The following PIH1D1 variants were observed in gnomAD, a reference collection of about 807,000 sequenced individuals.
PIH1D1 encodes PIH1 domain containing 1, also known as PIH1 domain-containing protein 1.
Under a neutral mutation model 38.5 loss-of-function variants are expected in PIH1D1, and 28 were observed. That is an observed-to-expected ratio of 0.73 (90% CI 0.54 to 1.00). The LOEUF is 1.00. Among genes scored for constraint, PIH1D1 ranks in the 50% least tolerant of loss-of-function variants. The probability of loss-of-function intolerance (pLI) is 0.00; values close to 1 mark genes in which losing one functional copy is unlikely to be tolerated. For missense variants in PIH1D1, 343 were observed against 369.9 expected (o/e 0.93, Z 0.60); for synonymous variants, 155 against 153.5 (o/e 1.01, Z -0.07).
Position 49,451,808 on chromosome 19 carries a change from T to C in PIH1D1, c.-234A>G. 7.0e-6 allele frequency: 9 copies of C among 1,277,798 alleles called. No individual in the cohort carries two copies. Among genetic ancestry groups the C allele is most frequent in the Non-Finnish European group, 9.2e-6 (9 of 979,272 alleles). The allele number at this position is 1,277,798 out of a possible 1,614,324, so 79.2% of individuals were successfully genotyped here. ...CTACCCTCCGTCCTACGTGCCGAAC[T>C]GTAAACGAAGCCACACTTCCGGTCT... On this transcript the variant is annotated 5_prime_UTR_variant, in exon 1 of 9. Transcript: ENST00000262265.
At chr19:49,447,177 C>A in intron 6 of PIH1D1, 78 bp from the exon 7 acceptor site, 1 of 1,484,052 alleles carries the variant, frequency 6.7e-7, no homozygotes, top group Admixed American at 1.9e-5. Context: ...CTCCCTCCAA[C>A]CAGCCCTATT....
intron 3 of PIH1D1, 30 bp downstream of exon 3, chr19:49,449,445 C>A (rs1253593218): frequency 6.2e-7 from 1 of 1,610,568 alleles, no homozygotes; most frequent in Non-Finnish European, 8.5e-7. Context: ...CCTAGCGGGC[C>A]AGACTCCTGG....
intron 2 of PIH1D1, 116 bp from the exon 3 acceptor site, chr19:49,449,770 C>A: frequency 2.6e-6 from 2 of 774,716 alleles, no homozygotes; most frequent in Non-Finnish European, 4.1e-6. Context: ...TTGTTCCACT[C>A]CCCACCCGAG....
intron 2 of PIH1D1, among the ~76,000 whole-genome samples, chr19:49,449,889 G>A (rs2079048062): frequency 6.6e-6 from 1 of 150,946 alleles, no homozygotes; most frequent in East Asian, 2.0e-4. Context: ...CCACCTCCCA[G>A]GTTCAAGCAA....
At position 49,446,604 on chromosome 19, in the gene PIH1D1, G is replaced by A; in HGVS notation, c.778C>T (p.Pro260Ser). Residue 260 changes from proline to serine, a missense_variant, in exon 8 of 9, where the codon CCG (proline) becomes TCG (serine). Pro to Ser is a moderately conservative substitution (Grantham distance 74). Transcript: ENST00000262265. The stretch of plus-strand genomic sequence containing the variant: ...CTCTCATGAGAGTTGATCTGCAGCG[G>A]GATATAAGCGTCTAGATGATACAGC... ...QQLYHLDAYI[P>S]LQINSHESKA... 4 of 1,613,976 alleles carry A rather than the reference G, an allele frequency of 2.5e-6. No homozygotes were observed. In the African/African-American group the frequency reaches 5.3e-5, roughly 22 times the overall value.
intron 3 of PIH1D1, chr19:49,449,001 G>A: frequency 6.2e-6 from 2 of 320,250 alleles, no homozygotes; most frequent in Non-Finnish European, 1.2e-5. Context: ...AGACCAGCCA[G>A]GCCAACGTGG....
In PIH1D1 at chr19:49,447,442, T is replaced by G. The variant is rs143584904; in HGVS notation, c.507A>C (p.Pro169=). The change falls in exon 6 of 9, where the codon CCA becomes CCC. Residue 169 remains proline (P), a synonymous_variant. Coordinates refer to ENST00000262265, the MANE Select transcript of PIH1D1 (RefSeq NM_017916.3). ...TCTGCTGCGAGATGGAGCCCATGAA[T>G]GGCCGGTTCTTCATCATGCGCCATT... is the stretch of plus-strand genomic sequence containing the variant. ...NPEWRMMKNR[P]FMGSISQQNI... The G allele has an allele frequency of 6.2e-7, 1 of 1,611,082 alleles. No homozygotes were observed. Among genetic ancestry groups the G allele is most frequent in the Non-Finnish European group, 8.5e-7 (1 of 1,179,970 alleles).
intron 3 of PIH1D1, chr19:49,449,073 T>C (rs1024050635): frequency 2.8e-5 from 10 of 351,136 alleles, no homozygotes; most frequent in African/African-American, 1.9e-4. Context: ...ACACCTGTAA[T>C]CCCAGCTGCT....
chr19:49,451,367 C>T, intron 1 of PIH1D1, 118 bp downstream of exon 1: 1 of 1,443,672 alleles, frequency 6.9e-7, no homozygotes, highest in Non-Finnish European at 9.5e-7. Context: ...AGCCCATTAA[C>T]CTCAATTCCC....
At position 49,451,609 on chromosome 19, in the gene PIH1D1, C is replaced by A; in HGVS notation, c.-35G>T. ...AAAGAGATCTAGGCGTCCTCGAGACCCTCAACGTGGGAAACTTTGCCCAGG... is the reference window on the plus strand; with the variant it reads ...AAAGAGATCTAGGCGTCCTCGAGACACTCAACGTGGGAAACTTTGCCCAGG... On this transcript the variant is annotated 5_prime_UTR_variant, in exon 1 of 9. Transcript: ENST00000262265. 1 of 1,608,492 alleles carries A rather than the reference C, an allele frequency of 6.2e-7. No homozygotes were observed. Among genetic ancestry groups the A allele is most frequent in the Non-Finnish European group, 8.5e-7 (1 of 1,179,054 alleles).
In PIH1D1 at chr19:49,447,502, G is replaced by A. The variant is rs921566057; in HGVS notation, c.482-35C>T. The A allele has an allele frequency of 3.7e-6, 6 of 1,601,308 alleles. No homozygotes were observed. The African/African-American group carries it at 6.7e-5, about 18-fold the overall frequency. On this transcript the variant is annotated intron_variant, in intron 5 of 8. Coordinates refer to ENST00000262265, the MANE Select transcript of PIH1D1 (RefSeq NM_017916.3). ...AGGAGCGCCGTCAAACATCGTACAGGTCAGGGTTCCCTTTGTGGGGGCCAA... is the reference window on the plus strand; with the variant it reads ...AGGAGCGCCGTCAAACATCGTACAGATCAGGGTTCCCTTTGTGGGGGCCAA...
intron 3 of PIH1D1, 129 bp downstream of exon 3, chr19:49,449,346 G>A: frequency 1.1e-6 from 1 of 874,568 alleles, no homozygotes; most frequent in Non-Finnish European, 1.9e-6. Flanking sequence ...CTACCATAGG[G>A]AAAAGAATCA....
At chr19:49,449,390 G>T in intron 3 of PIH1D1, 85 bp downstream of exon 3, 1 of 1,242,260 alleles carries the variant, frequency 8.0e-7, no homozygotes, top group Non-Finnish European at 1.2e-6. Context: ...AGCTGAGGGA[G>T]GAGGGTCCTG....
intron 7 of PIH1D1, 26 bp from the exon 8 acceptor site, chr19:49,446,720 C>G: frequency 6.5e-7 from 1 of 1,532,864 alleles, no homozygotes; most frequent in Non-Finnish European, 8.8e-7. Context: ...AATCAGGTCA[C>G]CCTCCCCAGC....
chr19:49,451,200 T>G (rs528572369), intron 1 of PIH1D1, among the ~76,000 whole-genome samples: 1 of 151,678 alleles, frequency 6.6e-6, no homozygotes, highest in Admixed American at 6.6e-5. Context: ...CGGCTAATTT[T>G]TTGTATTTTT....
intron 3 of PIH1D1, 140 bp downstream of exon 3, chr19:49,449,335 T>A: frequency 2.4e-6 from 2 of 828,666 alleles, no homozygotes; most frequent in South Asian, 2.9e-5. Flanking sequence ...GCACTAGAGA[T>A]CTACCATAGG....
Position 49,449,569 on chromosome 19 carries a change from C to T in PIH1D1, c.243G>A (p.Val81=), listed in dbSNP as rs749427754. 6.2e-7 allele frequency: 1 copy of T among 1,614,158 alleles called. No homozygotes were observed. The highest frequency in any genetic ancestry group is 1.1e-5 in the South Asian group (1 of 91,072). Residue 81 remains valine, a synonymous_variant, in exon 3 of 9, where the codon GTG becomes GTA. Transcript: ENST00000262265. ...HSPSIPPPAD[V]TEEELLQMLE... ...GCATCTGAAGCAGCTCCTCCTCGGT[C>T]ACGTCGGCGGGAGGAGGGATAGAGG...
chr19:49,450,844 G>C lies in PIH1D1; in HGVS notation c.95C>G (p.Ser32Trp). 6.2e-7 allele frequency: 1 copy of C among 1,613,466 alleles called. No individual in the cohort carries two copies. The highest frequency in any genetic ancestry group is 8.5e-7 in the Non-Finnish European group (1 of 1,179,896). ...ARFEELLLQA[S>W]KELQQAQTTR... ...TGTCTGGGCTTGCTGGAGCTCCTTC[G>C]AGGCCTGTATAAAGGAAAACTACCT... is the stretch of plus-strand genomic sequence containing the variant. Residue 32 changes from serine to tryptophan, a missense_variant, in exon 2 of 9, where the codon TCG becomes TGG. Coordinates refer to ENST00000262265, the MANE Select transcript of PIH1D1 (RefSeq NM_017916.3).
chr19:49,447,706 C>T (rs1158089172), intron 5 of PIH1D1, 121 bp downstream of exon 5: 1 of 1,100,390 alleles, frequency 9.1e-7, no homozygotes, highest in African/African-American at 1.5e-5. Context: ...CAGACTCCAC[C>T]CCCTCCTAGT....
Sources: allele counts gnomAD v4.1 joint callset (sites outside exome capture counted in the v4.1 genomes callset), GRCh38; gene constraint gnomAD v4.1.1; transcripts MANE v1.5; gene names NCBI Gene and HGNC (gene_info 2026-07-23, HGNC 2026-07-21).